NR2C2: variants seen among roughly 807,000 people sequenced by gnomAD.
The protein encoded by NR2C2 is nuclear receptor subfamily 2 group C member 2, also known as Nuclear hormone receptor TR4.
In NR2C2, 6 loss-of-function variants were observed where a neutral mutation model predicts 62.9. The ratio of observed to expected loss-of-function variants is 0.10; its 90% CI spans 0.05 to 0.19. The LOEUF is 0.19. Ranked by LOEUF, NR2C2 falls within the 10% of genes least tolerant of loss-of-function variation. NR2C2 has a pLI of 1.00. For synonymous variants in NR2C2, 272 were observed against 273.8 expected (o/e 0.99, Z 0.07); for missense variants, 479 against 762.7 (o/e 0.63, Z 4.38).
chr3:14,978,029 C>CA (rs2040258149), intron 1 of NR2C2, among the ~76,000 whole-genome samples: 1 of 150,552 alleles, frequency 6.6e-6, no homozygotes, highest in South Asian at 2.1e-4. Flanking sequence ...CATTGCACTA[C>CA]AGCCTGGGTG....
intron 1 of NR2C2, chr3:14,948,453 AG>A (rs2039213882): frequency 6.6e-6 from 1 of 152,288 alleles, no homozygotes; most frequent in East Asian, 1.9e-4. Flanking sequence ...GCGCCCAGAT[AG>A]GAGGGCCGGG....
chr3:15,012,341 T>A (rs1308040815), intron 2 of NR2C2, among the ~76,000 whole-genome samples: 1 of 152,134 alleles, frequency 6.6e-6, no homozygotes, highest in Non-Finnish European at 1.5e-5. Context: ...TTCTCGTGTC[T>A]TGGCATTCCA....
chr3:15,030,063 G>C (rs139770343), intron 8 of NR2C2, among the ~76,000 whole-genome samples: 1 of 152,118 alleles, frequency 6.6e-6, no homozygotes, highest in African/African-American at 2.4e-5. Flanking sequence ...AGTGGCTCAC[G>C]TGTGTAATCC....
At chr3:14,973,392 TAATTTAAA>T (rs2040106817) in intron 1 of NR2C2, among the ~76,000 whole-genome samples, 1 of 151,032 alleles carries the variant, frequency 6.6e-6, no homozygotes, top group African/African-American at 2.5e-5. Context: ...CATGCCAGGC[TAATTTAAA>T]AAAAAAAATT....
At chr3:14,973,258 C>G (rs1422433511) in intron 1 of NR2C2, among the ~76,000 whole-genome samples, 1 of 151,956 alleles carries the variant, frequency 6.6e-6, no homozygotes, top group East Asian at 1.9e-4. Context: ...CAGGGTCTTG[C>G]TCTGTCACTC....
At chr3:14,986,865 A>G (rs542857215) in intron 1 of NR2C2, among the ~76,000 whole-genome samples, 27 of 152,340 alleles carry the variant, frequency 1.8e-4, no homozygotes, top group African/African-American at 6.3e-4. Context: ...ACGTGAACGT[A>G]ATTCTAAGTG....
rs1428388191 is a variant in NR2C2, at chr3:15,045,074, CAAA to C, written c.*2070_*2072del. 6.6e-6 allele frequency: 1 copy of C among 152,120 alleles called. No individual in the cohort carries two copies. The highest frequency in any genetic ancestry group is 1.5e-5 in the Non-Finnish European group (1 of 68,004). 9.4% of individuals were successfully genotyped at this position (152,120 alleles called of 1,614,324 possible). ...TGTGTTTTCAGTTTCAAAATTAAGACAAAAAACCAGCTGAGACAATGGAATTAG... is the reference window on the plus strand; with the variant it reads ...TGTGTTTTCAGTTTCAAAATTAAGACAAACCAGCTGAGACAATGGAATTAG... On this transcript the variant is annotated 3_prime_UTR_variant, in exon 14 of 14. Coordinates refer to ENST00000425241, the MANE Select transcript of NR2C2 (RefSeq NM_001291694.2).
At chr3:14,990,910 A>G (rs1049525860) in intron 1 of NR2C2, among the ~76,000 whole-genome samples, 1 of 152,174 alleles carries the variant, frequency 6.6e-6, no homozygotes, top group Admixed American at 6.5e-5. Flanking sequence ...TCTTAATAGG[A>G]ACTTGTATTT....
chr3:14,996,122 C>G (rs1033842008), intron 1 of NR2C2, among the ~76,000 whole-genome samples: 1 of 152,138 alleles, frequency 6.6e-6, no homozygotes, highest in Non-Finnish European at 1.5e-5. Flanking sequence ...TATCAGTTTT[C>G]TTTTTCACTT....
At chr3:15,028,091 C>G (rs1260324566) in intron 7 of NR2C2, among the ~76,000 whole-genome samples, 1 of 152,162 alleles carries the variant, frequency 6.6e-6, no homozygotes, top group Non-Finnish European at 1.5e-5. Flanking sequence ...AACCCCTGAC[C>G]TCAGGTGATC....
Position 15,024,101 on chromosome 3 carries a change from T to C in NR2C2, c.705-14T>C. The C allele has an allele frequency of 6.3e-7, 1 of 1,592,720 alleles. No homozygotes were observed. The highest frequency in any genetic ancestry group is 1.3e-5 in the African/African-American group (1 of 74,474). On this transcript the variant is annotated splice_polypyrimidine_tract_variant and intron_variant, in intron 6 of 13. Coordinates refer to ENST00000425241, the MANE Select transcript of NR2C2 (RefSeq NM_001291694.2). ...TGTTGGAAGCTACTCTGAGTTTCTTTATGTCTTAAATAGACAAACAGGTCT... is the reference window on the plus strand; with the variant it reads ...TGTTGGAAGCTACTCTGAGTTTCTTCATGTCTTAAATAGACAAACAGGTCT...
rs745560637 is a variant in NR2C2 at position 15,034,663 on chromosome 3, T to C, written c.1233-7T>C. ...CACCACACTCAGACTCCTTTCTATA[T>C]TCCTAGGCAGGACTGCAACACCAGC... is the stretch of plus-strand genomic sequence containing the variant. On this transcript the variant is annotated splice_polypyrimidine_tract_variant and splice_region_variant and intron_variant, in intron 10 of 13. Coordinates refer to ENST00000425241, the MANE Select transcript of NR2C2 (RefSeq NM_001291694.2). The C allele has an allele frequency of 1.2e-6, 2 of 1,613,714 alleles. No individual in the cohort carries two copies. Among genetic ancestry groups the C allele is most frequent in the East Asian group, 4.5e-5 (2 of 44,874 alleles).
At chr3:14,995,434 AT>A (rs1236380209) in intron 1 of NR2C2, among the ~76,000 whole-genome samples, 1 of 151,782 alleles carries the variant, frequency 6.6e-6, no homozygotes, top group Admixed American at 6.6e-5. Flanking sequence ...AAATTGAATC[AT>A]ATAGTCTTTT....
intron 1 of NR2C2, among the ~76,000 whole-genome samples, chr3:14,991,085 G>A (rs2040657753): frequency 6.6e-6 from 1 of 152,112 alleles, no homozygotes; most frequent in African/African-American, 2.4e-5. Flanking sequence ...TTTGTGACAA[G>A]AAATTTAGCG....
Position 15,025,199 on chromosome 3 carries a change from C to T in NR2C2, c.798+991C>T, listed in dbSNP as rs556491316. On this transcript the variant is annotated intron_variant, in intron 7 of 13. Coordinates refer to ENST00000425241, the MANE Select transcript of NR2C2 (RefSeq NM_001291694.2). ...AAAGCGTAAGCCTGAAAGTAAGGCCCAGATAACCTTAAAAACAGATTACCA... is the reference window on the plus strand; with the variant it reads ...AAAGCGTAAGCCTGAAAGTAAGGCCTAGATAACCTTAAAAACAGATTACCA... Among the ~76,000 whole-genome samples the T allele has an allele frequency of 2.3e-4, 35 of 152,302 alleles. 1 individual carries two copies. Among genetic ancestry groups the T allele is most frequent in the African/African-American group, 8.4e-4 (35 of 41,566 alleles).
chr3:14,990,601 C>T (rs2040642252), intron 1 of NR2C2, among the ~76,000 whole-genome samples: 1 of 152,156 alleles, frequency 6.6e-6, no homozygotes, highest in South Asian at 2.1e-4. Flanking sequence ...CTCAACCAAC[C>T]TCTGGCCTTT....
chr3:15,036,517 C>G (rs528002545), intron 11 of NR2C2, among the ~76,000 whole-genome samples: 1 of 152,030 alleles, frequency 6.6e-6, no homozygotes. Flanking sequence ...TTTTTTGATA[C>G]AGTCTCTCTG....
In NR2C2 at chr3:15,013,573, A is replaced by G. The variant is rs778703470; in HGVS notation, c.73-16A>G. ...GTGACACTCCATGAGAGCAGCCTCCATGTTGTGTCTTATAGATTGTCACAG... is the reference window on the plus strand; with the variant it reads ...GTGACACTCCATGAGAGCAGCCTCCGTGTTGTGTCTTATAGATTGTCACAG... On this transcript the variant is annotated splice_polypyrimidine_tract_variant and intron_variant, in intron 2 of 13. Transcript: ENST00000425241. 6.2e-7 allele frequency: 1 copy of G among 1,612,836 alleles called. No individual in the cohort carries two copies. The highest frequency in any genetic ancestry group is 8.5e-7 in the Non-Finnish European group (1 of 1,179,310).
intron 1 of NR2C2, among the ~76,000 whole-genome samples, chr3:14,967,043 AC>A (rs2039877636): frequency 6.6e-6 from 1 of 152,214 alleles, no homozygotes; most frequent in East Asian, 1.9e-4. Flanking sequence ...TTTACTTGTT[AC>A]AGGTCTGTTC....
Sources: allele counts gnomAD v4.1 joint callset (sites outside exome capture counted in the v4.1 genomes callset), GRCh38; gene constraint gnomAD v4.1.1; transcripts MANE v1.5; gene names NCBI Gene and HGNC (gene_info 2026-07-23, HGNC 2026-07-21).